The following RANBP2 variants were observed in gnomAD, a reference collection of about 807,000 sequenced individuals.
RANBP2 encodes the protein RAN binding protein 2.
RANBP2 carries 57 observed loss-of-function variants against 303.6 expected under a neutral mutation model. The observed-to-expected ratio is 0.19, with a 90% CI of 0.15 to 0.23. The LOEUF (loss-of-function observed/expected upper bound fraction) is 0.23, where lower values mean the gene tolerates loss of function less well. RANBP2 is among the 10% of genes least tolerant of loss of function. The probability of loss-of-function intolerance (pLI) is 1.00; values close to 1 mark genes in which losing one functional copy is unlikely to be tolerated. For synonymous variants in RANBP2, 1,167 were observed against 1,301.5 expected, an observed-to-expected ratio of 0.90 and a Z score of 2.23; for missense variants, 3,138 against 3,780.8, an observed-to-expected ratio of 0.83 and a Z score of 4.46.
chr2:109,636,004 A>G, the RANBP2 span, among the ~76,000 whole-genome samples: 2 of 152,224 alleles, frequency 1.3e-5, no homozygotes, highest in Non-Finnish European at 2.9e-5. Flanking sequence ...TGGAGCCCTC[A>G]TGACTAGAAT....
At chr2:109,705,068 C>A in the RANBP2 span, among the ~76,000 whole-genome samples, 2 of 131,892 alleles carry the variant, frequency 1.5e-5, no homozygotes, top group South Asian at 5.3e-4. Context: ...GGCAAGACTC[C>A]CTCTCAAAAT....
intron 8 of RANBP2, 104 bp from the exon 9 acceptor site, chr2:108,748,816 G>C: frequency 1.9e-6 from 3 of 1,606,162 alleles, no homozygotes; most frequent in South Asian, 2.2e-5. Flanking sequence ...GGTTAGGTAT[G>C]CAGTAATCAT....
the RANBP2 span, among the ~76,000 whole-genome samples, chr2:108,815,193 A>G: frequency 6.6e-6 from 1 of 152,182 alleles, no homozygotes; most frequent in South Asian, 2.1e-4. Context: ...TTTTGTGAGA[A>G]GAGAAAGATA....
chr2:109,575,370 A>C, the RANBP2 span, among the ~76,000 whole-genome samples: 1 of 152,248 alleles, frequency 6.6e-6, no homozygotes, highest in African/African-American at 2.4e-5. Flanking sequence ...AAAAAGCCTA[A>C]GTAAAGAAGA....
the RANBP2 span, among the ~76,000 whole-genome samples, chr2:109,628,610 A>G: frequency 6.6e-6 from 1 of 152,108 alleles, no homozygotes; most frequent in African/African-American, 2.4e-5. Flanking sequence ...TTATATCCTC[A>G]TTTATATTCT....
the RANBP2 span, among the ~76,000 whole-genome samples, chr2:108,988,083 T>A: frequency 2.6e-5 from 4 of 152,218 alleles, no homozygotes; most frequent in Non-Finnish European, 5.9e-5. Flanking sequence ...TGTCTCTCCG[T>A]ACGTCTCCTC....
the RANBP2 span, among the ~76,000 whole-genome samples, chr2:109,447,153 A>G: frequency 6.7e-6 from 1 of 148,712 alleles, no homozygotes; most frequent in Non-Finnish European, 1.5e-5. Context: ...TATTTAAAAA[A>G]AAAAAAAAAA....
the RANBP2 span, among the ~76,000 whole-genome samples, chr2:109,143,727 C>A: frequency 2.3e-4 from 35 of 152,170 alleles, no homozygotes; most frequent in Non-Finnish European, 4.9e-4. Flanking sequence ...GCACTCCAGC[C>A]TGGGCAACAG....
the RANBP2 span, among the ~76,000 whole-genome samples, chr2:109,028,662 G>A: frequency 6.6e-6 from 1 of 152,156 alleles, no homozygotes; most frequent in African/African-American, 2.4e-5. Flanking sequence ...CAGGCCCTCC[G>A]AGGGTGGCAG....
At chr2:109,643,605 CA>C in the RANBP2 span, among the ~76,000 whole-genome samples, 11 of 148,138 alleles carry the variant, frequency 7.4e-5, no homozygotes, top group South Asian at 6.5e-4. Context: ...ACTAAAAATA[CA>C]AAAAAAAAAT....
chr2:108,956,935 C>A, the RANBP2 span, among the ~76,000 whole-genome samples: 2 of 152,108 alleles, frequency 1.3e-5, no homozygotes, highest in Non-Finnish European at 2.9e-5. Context: ...ATTACAGGCA[C>A]CTACCACCAC....
the RANBP2 span, among the ~76,000 whole-genome samples, chr2:108,807,227 T>C: frequency 6.6e-6 from 1 of 152,162 alleles, no homozygotes; most frequent in African/African-American, 2.4e-5. Context: ...TTCAAGAAAG[T>C]AGAAAAATAG....
At chr2:109,378,405 C>T in the RANBP2 span, among the ~76,000 whole-genome samples, 1 of 152,162 alleles carries the variant, frequency 6.6e-6, no homozygotes. Flanking sequence ...TTATGCACCC[C>T]CACCTGAGAC....
At chr2:109,481,838 G>C in the RANBP2 span, among the ~76,000 whole-genome samples, 1 of 152,098 alleles carries the variant, frequency 6.6e-6, no homozygotes, top group African/African-American at 2.4e-5. Flanking sequence ...GGGGCAAGGT[G>C]CCTGCCCAGG....
At chr2:109,732,829 C>T in the RANBP2 span, 1 of 1,288,946 alleles carries the variant, frequency 7.8e-7, no homozygotes, top group Non-Finnish European at 1.1e-6. Flanking sequence ...TTGCTAGAAA[C>T]CCTCCTGGCT....
the RANBP2 span, among the ~76,000 whole-genome samples, chr2:109,554,974 G>A: frequency 7.2e-5 from 11 of 152,222 alleles, no homozygotes; most frequent in East Asian, 1.4e-3. Flanking sequence ...CTGAAGCTAA[G>A]TCTCCTAATA....
the RANBP2 span, among the ~76,000 whole-genome samples, chr2:109,696,302 T>C: frequency 2.9e-4 from 44 of 152,346 alleles, 1 homozygote; most frequent in East Asian, 7.3e-3. Context: ...CTTCAGAAAT[T>C]ATATAGTTTT....
At chr2:108,869,097 A>G in the RANBP2 span, among the ~76,000 whole-genome samples, 2 of 152,262 alleles carry the variant, frequency 1.3e-5, no homozygotes, top group South Asian at 4.2e-4. Context: ...GCAAAATTCA[A>G]ACATCAGCAA....
the RANBP2 span, among the ~76,000 whole-genome samples, chr2:108,932,253 G>A: frequency 2.6e-5 from 4 of 152,138 alleles, no homozygotes; most frequent in East Asian, 7.7e-4. Flanking sequence ...GAGAGGCTGA[G>A]CGCGGTGGCT....
Sources: allele counts gnomAD v4.1 joint callset (sites outside exome capture counted in the v4.1 genomes callset), GRCh38; gene constraint gnomAD v4.1.1; transcripts MANE v1.5; gene names NCBI Gene and HGNC (gene_info 2026-07-23, HGNC 2026-07-21).